PARVB: variants seen among roughly 807,000 people sequenced by gnomAD.
PARVB encodes beta-parvin.
In PARVB, 46 loss-of-function variants were observed where a neutral mutation model predicts 47.0. The observed-to-expected ratio is 0.98, with a 90% CI of 0.77 to 1.25. The LOEUF is 1.25. Ranked by LOEUF, PARVB falls within the 50% of genes most tolerant of loss-of-function variation. PARVB has a pLI of 0.00. For synonymous variants in PARVB, 196 were observed against 196.3 expected (o/e 1.00, Z 0.01); for missense variants, 473 against 471.6 (o/e 1.00, Z -0.03).
chr22:44,005,251 C>A (rs1417108329), intron 2 of PARVB, among the ~76,000 whole-genome samples: 1 of 149,340 alleles, frequency 6.7e-6, no homozygotes, highest in Non-Finnish European at 1.5e-5. Context: ...AGGCGTGTGC[C>A]ACCGTGCCCA....
In PARVB at chr22:44,092,040, C is replaced by T. The variant is rs536416845; in HGVS notation, c.113-1888C>T. Among the ~76,000 whole-genome samples the T allele has an allele frequency of 2.0e-5, 3 of 152,226 alleles. No homozygotes were observed. In the South Asian group the frequency reaches 6.2e-4, roughly 32 times the overall value. ...GGACTTGATGTTCATTGTTTGGTTA[C>T]ATTTAGCCCTTCCAAAGACCCTGGC... On this transcript the variant is annotated intron_variant, in intron 1 of 12. Coordinates refer to ENST00000338758, the MANE Select transcript of PARVB (RefSeq NM_013327.5).
chr22:44,118,097 C>T (rs2052952607), intron 3 of PARVB, among the ~76,000 whole-genome samples: 1 of 152,146 alleles, frequency 6.6e-6, no homozygotes, highest in Admixed American at 6.5e-5. Context: ...CACAGAGAGA[C>T]TTGTACCTGA....
rs374491060 is a variant in PARVB, at chr22:44,003,066, G to A, written c.211+3393G>A. 2.8e-4 allele frequency among the ~76,000 whole-genome samples: 42 copies of A among 152,152 alleles called. No individual in the cohort carries two copies. In the East Asian group the frequency reaches 6.2e-3, roughly 22 times the overall value. ...GTGAAAATTACAGCCTTTCTTCCCC[G>A]TACTTCCCCCGTGCTTTTCAATCAA... On this transcript the variant is annotated intron_variant, in intron 2 of 13. Coordinates refer to the PARVB transcript ENST00000406477.
At chr22:44,053,303 C>T (rs764094983) in intron 1 of PARVB, among the ~76,000 whole-genome samples, 2 of 152,160 alleles carry the variant, frequency 1.3e-5, no homozygotes, top group Non-Finnish European at 2.9e-5. Context: ...AGGATGGTCT[C>T]GAACTCCTGC....
intron 1 of PARVB, among the ~76,000 whole-genome samples, chr22:44,083,867 A>G (rs1270493683): frequency 6.6e-6 from 1 of 152,198 alleles, no homozygotes; most frequent in Non-Finnish European, 1.5e-5. Context: ...GGATTTCTAC[A>G]TCAGACAGGA....
chr22:44,019,837 T>C (rs889886963), upstream of PARVB, among the ~76,000 whole-genome samples: 4 of 152,216 alleles, frequency 2.6e-5, no homozygotes, highest in Admixed American at 1.3e-4. Flanking sequence ...TGAATTTCAA[T>C]ATGGGGTTTA....
intron 1 of PARVB, chr22:44,069,309 G>A (rs1000182908): frequency 8.1e-6 from 6 of 739,270 alleles, no homozygotes; most frequent in Middle Eastern, 3.1e-4. Flanking sequence ...TGATGGGGAC[G>A]TTGGTGTTAG....
At chr22:44,122,965 G>T (rs1394804439) in intron 4 of PARVB, among the ~76,000 whole-genome samples, 1 of 152,070 alleles carries the variant, frequency 6.6e-6, no homozygotes, top group Non-Finnish European at 1.5e-5. Context: ...GAATATCCTC[G>T]TGCAGATGTT....
At chr22:44,168,550 G>A (rs569169180) in intron 12 of PARVB, 52 bp from the exon 13 acceptor site, 61 of 1,213,834 alleles carry the variant, frequency 5.0e-5, no homozygotes, top group Admixed American at 3.4e-4. Flanking sequence ...AGTACCTACC[G>A]CAATGACAGG....
intron 1 of PARVB, chr22:44,031,423 G>C (rs974716878): frequency 1.3e-5 from 2 of 152,342 alleles, no homozygotes; most frequent in Admixed American, 6.5e-5. Context: ...CCTGCACCAC[G>C]TGGGTGTTTT....
intron 1 of PARVB, among the ~76,000 whole-genome samples, chr22:44,072,087 A>G (rs2146982377): frequency 6.6e-6 from 1 of 152,306 alleles, no homozygotes; most frequent in East Asian, 1.9e-4. Context: ...GTTGGGTGGA[A>G]AGGACTTTGT....
At chr22:44,009,023 A>G (rs2050496355) in intron 2 of PARVB, among the ~76,000 whole-genome samples, 1 of 152,162 alleles carries the variant, frequency 6.6e-6, no homozygotes, top group African/African-American at 2.4e-5. Flanking sequence ...ATAAAGCTCC[A>G]TATTTTAAAA....
At chr22:44,084,617 GC>G (rs1208004323) in intron 1 of PARVB, among the ~76,000 whole-genome samples, 1 of 152,226 alleles carries the variant, frequency 6.6e-6, no homozygotes, top group South Asian at 2.1e-4. Flanking sequence ...TCATGCCAGG[GC>G]CTTTGCTGTC....
In PARVB at chr22:44,155,935, G is replaced by A. The variant is rs1477811386; in HGVS notation, c.844-2047G>A. 4.6e-5 allele frequency among the ~76,000 whole-genome samples: 7 copies of A among 152,134 alleles called. No individual in the cohort carries two copies. The highest frequency in any genetic ancestry group is 4.6e-4 in the Admixed American group (7 of 15,286). On this transcript the variant is annotated intron_variant, in intron 10 of 12. Transcript: ENST00000338758. The surrounding 1 kb of genome is among the most constrained non-coding windows in gnomAD (Gnocchi z 4.8). ...TGGGTGGCCGAGGTGGGTGGATCAT[G>A]AGGTCAGGAGTTCAAGACCAGCCTG...
intron 4 of PARVB, among the ~76,000 whole-genome samples, chr22:44,127,910 C>T (rs970924131): frequency 1.3e-4 from 20 of 152,032 alleles, no homozygotes; most frequent in South Asian, 4.2e-4. Context: ...TCAGCTTCCC[C>T]GGGAAGCTGG....
intron 3 of PARVB, chr22:44,114,150 AGTAT>A (rs1323509335): frequency 3.5e-5 from 4 of 114,592 alleles, no homozygotes; most frequent in Admixed American, 1.6e-4. Context: ...GTTGTTACTA[AGTAT>A]GGCCCTGCAC....
At chr22:44,066,485 T>C (rs1436351207) in intron 1 of PARVB, among the ~76,000 whole-genome samples, 1 of 152,204 alleles carries the variant, frequency 6.6e-6, no homozygotes, top group African/African-American at 2.4e-5. Flanking sequence ...ATACCTTGTA[T>C]TTATGCATGT....
At chr22:44,098,057 C>T (rs774400133) in intron 2 of PARVB, among the ~76,000 whole-genome samples, 11 of 152,234 alleles carry the variant, frequency 7.2e-5, no homozygotes, top group East Asian at 1.9e-4. Flanking sequence ...ATGAGCTGGG[C>T]GGGCCCGAAT....
chr22:44,038,928 C>G (rs370117644), intron 1 of PARVB, among the ~76,000 whole-genome samples: 156 of 152,238 alleles, frequency 1.0e-3, no homozygotes, highest in African/African-American at 3.5e-3. Flanking sequence ...ACACAGTCAA[C>G]GCAGTAAAAG....
Sources: gnomAD v4.1 joint callset for allele counts (sites outside exome capture counted in the v4.1 genomes callset) on GRCh38, gnomAD v4.1.1 for gene constraint, Gnocchi (gnomAD v3.1) non-coding constraint, MANE v1.5 for transcripts, NCBI Gene and HGNC (gene_info 2026-07-23, HGNC 2026-07-21) for gene names.